Variants in PIGK observed in about 807,000 individuals in gnomAD.
PIGK encodes the protein phosphatidylinositol glycan anchor biosynthesis class K.
In PIGK, 42 loss-of-function variants were observed where a neutral mutation model predicts 50.6. That is an observed-to-expected ratio of 0.83 (90% CI 0.65 to 1.07). The LOEUF is 1.07. Among genes scored for constraint, PIGK ranks in the 50% least tolerant of loss-of-function variants. The probability of loss-of-function intolerance (pLI) is 0.00; values close to 1 mark genes in which losing one functional copy is unlikely to be tolerated. For missense variants in PIGK, 448 were observed against 488.7 expected (o/e 0.92, Z 0.78); for synonymous variants, 151 against 156.0 (o/e 0.97, Z 0.24).
At chr1:77,168,118 T>C (rs1442429251) in intron 4 of PIGK, among the ~76,000 whole-genome samples, 1 of 152,226 alleles carries the variant, frequency 6.6e-6, no homozygotes, top group Non-Finnish European at 1.5e-5. Flanking sequence ...ATCTTTAACA[T>C]GTAAAAAATT....
At chr1:77,185,664 G>A (rs954109095) in intron 3 of PIGK, among the ~76,000 whole-genome samples, 59 of 152,122 alleles carry the variant, frequency 3.9e-4, no homozygotes, top group African/African-American at 1.4e-3. Flanking sequence ...GTTTTGAGTG[G>A]GGTCCAGAAC....
intron 9 of PIGK, among the ~76,000 whole-genome samples, chr1:77,137,753 A>G (rs1323434006): frequency 1.3e-5 from 2 of 151,792 alleles, no homozygotes; most frequent in African/African-American, 2.4e-5. Context: ...ACAGGTGCAT[A>G]CCACCACACC....
chr1:77,138,581 T>C (rs1654575206), intron 9 of PIGK, among the ~76,000 whole-genome samples: 1 of 152,224 alleles, frequency 6.6e-6, no homozygotes, highest in Non-Finnish European at 1.5e-5. Context: ...AGCCAACCTG[T>C]ACGCACACTT....
intron 10 of PIGK, among the ~76,000 whole-genome samples, chr1:77,100,109 A>C (rs1653508640): frequency 6.6e-6 from 1 of 152,208 alleles, no homozygotes; most frequent in Non-Finnish European, 1.5e-5. Context: ...CAGAGCACAG[A>C]TCTAAGTATT....
intron 10 of PIGK, among the ~76,000 whole-genome samples, chr1:77,106,035 TA>T (rs1653662967): frequency 6.6e-6 from 1 of 152,190 alleles, no homozygotes; most frequent in Admixed American, 6.5e-5. Context: ...AAAAGTACAT[TA>T]AAACTATATT....
chr1:77,193,425 C>T (rs1188148186), intron 3 of PIGK, among the ~76,000 whole-genome samples: 1 of 152,140 alleles, frequency 6.6e-6, no homozygotes, highest in Non-Finnish European at 1.5e-5. Context: ...TCCATAAATA[C>T]AGTTTTCAGG....
intron 10 of PIGK, among the ~76,000 whole-genome samples, chr1:77,100,926 A>G (rs1241697853): frequency 6.6e-6 from 1 of 152,180 alleles, no homozygotes; most frequent in African/African-American, 2.4e-5. Context: ...TGAGCCTCAA[A>G]TAAGATTACA....
intron 9 of PIGK, among the ~76,000 whole-genome samples, chr1:77,127,806 A>G (rs1203883122): frequency 6.6e-6 from 1 of 152,202 alleles, no homozygotes; most frequent in Non-Finnish European, 1.5e-5. Context: ...AGCTCAAAGA[A>G]GCACTTGAAA....
chr1:77,156,060 G>C (rs1450264874), intron 8 of PIGK, among the ~76,000 whole-genome samples: 1 of 151,586 alleles, frequency 6.6e-6, no homozygotes, highest in Non-Finnish European at 1.5e-5. Context: ...ACACAAAGAA[G>C]GACTCAGGAT....
intron 10 of PIGK, among the ~76,000 whole-genome samples, chr1:77,110,858 T>C (rs1245622970): frequency 6.6e-6 from 1 of 151,994 alleles, no homozygotes; most frequent in Non-Finnish European, 1.5e-5. Flanking sequence ...TGCAATCTAC[T>C]CATCTGACAA....
intron 10 of PIGK, among the ~76,000 whole-genome samples, chr1:77,109,318 T>G (rs1232931882): frequency 1.3e-5 from 2 of 152,184 alleles, no homozygotes; most frequent in Non-Finnish European, 2.9e-5. Context: ...AAAGAGAATT[T>G]TAGACCAATA....
chr1:77,117,818 G>T (rs1366956430), intron 10 of PIGK, among the ~76,000 whole-genome samples: 2 of 151,964 alleles, frequency 1.3e-5, no homozygotes, highest in Non-Finnish European at 2.9e-5. Context: ...GTGTTCTTCA[G>T]GAGGGTAAAG....
intron 3 of PIGK, among the ~76,000 whole-genome samples, chr1:77,171,390 T>G (rs1383671978): frequency 1.7e-5 from 2 of 118,568 alleles, no homozygotes. Context: ...TGAGCCGACA[T>G]CGCGTCACTG....
At chr1:77,112,752 A>T (rs992944067) in intron 10 of PIGK, among the ~76,000 whole-genome samples, 4 of 152,086 alleles carry the variant, frequency 2.6e-5, no homozygotes, top group Non-Finnish European at 4.4e-5. Flanking sequence ...AGCAGGTACA[A>T]ATATACAGCT....
At chr1:77,109,298 C>T (rs1393791597) in intron 10 of PIGK, among the ~76,000 whole-genome samples, 3 of 152,180 alleles carry the variant, frequency 2.0e-5, no homozygotes, top group Non-Finnish European at 4.4e-5. Context: ...CTGGCAGAGA[C>T]ACAACAACAA....
In PIGK at chr1:77,092,404, A is replaced by G. The variant is rs773614550; in HGVS notation, c.1158T>C (p.Tyr386=). 4.4e-6 allele frequency: 7 copies of G among 1,596,700 alleles called. No individual in the cohort carries two copies. Among genetic ancestry groups the G allele is most frequent in the African/African-American group, 4.0e-5 (3 of 74,426 alleles). Residue 386 remains tyrosine (Y), a synonymous_variant, in exon 11 of 11, where the codon TAT becomes TAC. Transcript: ENST00000370812. The stretch of plus-strand genomic sequence containing the variant: ...AAATGAACTTCATATGCTTAATTCC[A>G]TAAGTTTTGAAGAAAACCATGATAA... ...ALIIMVFFKT[Y]GIKHMKFIF
chr1:77,116,857 A>G (rs1182494850), intron 10 of PIGK, among the ~76,000 whole-genome samples: 1 of 152,154 alleles, frequency 6.6e-6, no homozygotes, highest in Non-Finnish European at 1.5e-5. Flanking sequence ...TTTCATAATT[A>G]TAACTATGTA....
In PIGK at chr1:77,089,382, C is replaced by T. The variant is rs552730119; in HGVS notation, c.*2992G>A. 1.8e-4 allele frequency: 27 copies of T among 152,262 alleles called. 1 individual carries two copies. Among genetic ancestry groups the T allele is most frequent in the Admixed American group, 4.6e-4 (7 of 15,304 alleles). The allele number at this position is 152,262 out of a possible 1,614,324, so 9.4% of individuals were successfully genotyped here. On this transcript the variant is annotated 3_prime_UTR_variant, in exon 11 of 11. Transcript: ENST00000370812. ...GCCATATCTTGTGGTATGTTTATAA[C>T]GTATTTCTTTCACATGTTAAAACAG...
At chr1:77,150,501 AAAG>A (rs1234817781) in intron 9 of PIGK, among the ~76,000 whole-genome samples, 2 of 151,550 alleles carry the variant, frequency 1.3e-5, no homozygotes, top group African/African-American at 2.4e-5. Flanking sequence ...AAAAAAAAAA[AAAG>A]AAAGAAAGAA....
Sources: gnomAD v4.1 joint callset for allele counts (sites outside exome capture counted in the v4.1 genomes callset) on GRCh38, gnomAD v4.1.1 for gene constraint, MANE v1.5 for transcripts, NCBI Gene and HGNC (gene_info 2026-07-23, HGNC 2026-07-21) for gene names.